Variants in SNTG1 observed in about 807,000 individuals in gnomAD.
The protein encoded by SNTG1 is gamma-1-syntrophin.
A neutral mutation model predicts 74.7 loss-of-function variants in SNTG1; 39 were observed. That is an observed-to-expected ratio of 0.52 (90% CI 0.40 to 0.68). The LOEUF (loss-of-function observed/expected upper bound fraction) is 0.68, where lower values mean the gene tolerates loss of function less well. SNTG1 is among the 30% of genes least tolerant of loss of function. The probability of loss-of-function intolerance (pLI) is 0.00; values close to 1 mark genes in which losing one functional copy is unlikely to be tolerated. For synonymous variants in SNTG1, 254 were observed against 217.1 expected, an observed-to-expected ratio of 1.17 and a Z score of -1.49; for missense variants, 685 against 609.5, an observed-to-expected ratio of 1.12 and a Z score of -1.30.
intron 8 of SNTG1, among the ~76,000 whole-genome samples, chr8:50,475,313 C>G (rs901197768): frequency 1.3e-5 from 2 of 151,914 alleles, no homozygotes. Context: ...TATGTAGTTT[C>G]TCACAATTAA....
Position 50,087,604 on chromosome 8 carries a change from C to A in SNTG1, c.-102-84957C>A, listed in dbSNP as rs957147886. 2.0e-5 allele frequency among the ~76,000 whole-genome samples: 3 copies of A among 152,048 alleles called. No homozygotes were observed. In the East Asian group the frequency reaches 5.8e-4, roughly 29 times the overall value. ...CCATATAATAGTCTATAAATATATT[C>A]TACTTAGTTCTGTGTGTATGCTTAA... On this transcript the variant is annotated intron_variant, in intron 1 of 18. Transcript: ENST00000642720.
chr8:50,698,142 T>C (rs1461174034), intron 15 of SNTG1, among the ~76,000 whole-genome samples: 4 of 152,132 alleles, frequency 2.6e-5, no homozygotes, highest in African/African-American at 7.2e-5. Context: ...TATTTCTCTA[T>C]TCATGGTTTT....
At chr8:50,717,850 A>G (rs1006645266) in intron 17 of SNTG1, among the ~76,000 whole-genome samples, 1 of 152,190 alleles carries the variant, frequency 6.6e-6, no homozygotes. Flanking sequence ...ACACTGTGGG[A>G]TAGTCCCACC....
intron 4 of SNTG1, among the ~76,000 whole-genome samples, chr8:50,408,471 C>T (rs1397279069): frequency 6.6e-6 from 1 of 152,084 alleles, no homozygotes; most frequent in Non-Finnish European, 1.5e-5. Flanking sequence ...GACTGGGACT[C>T]AGGGATGGCA....
At chr8:50,136,666 C>A (rs1156693636) in intron 1 of SNTG1, among the ~76,000 whole-genome samples, 3 of 152,152 alleles carry the variant, frequency 2.0e-5, no homozygotes, top group African/African-American at 7.2e-5. Flanking sequence ...TCCAGCCCAG[C>A]CTTCCTGAAG....
In SNTG1 at chr8:50,006,469, G is replaced by A. The variant is rs75932440; in HGVS notation, c.-103+94238G>A. On this transcript the variant is annotated intron_variant, in intron 1 of 18. Coordinates refer to ENST00000642720, the MANE Select transcript of SNTG1 (RefSeq NM_018967.5). ...CAAGTTGTGATCTTCCTAGTTCTCA[G>A]TATAACACATACTTTTTAATTGTGT... Among the ~76,000 whole-genome samples, 1,431 of 152,256 alleles carry A rather than the reference G, an allele frequency of 9.4e-3. 13 individuals are homozygous for A. Among genetic ancestry groups the A allele is most frequent in the Non-Finnish European group, 0.014 (977 of 68,024 alleles).
At chr8:50,207,011 A>G (rs1468335256) in intron 2 of SNTG1, among the ~76,000 whole-genome samples, 4 of 152,154 alleles carry the variant, frequency 2.6e-5, no homozygotes, top group Admixed American at 6.5e-5. Flanking sequence ...CATCAGGGAT[A>G]TTGGTCTAAA....
intron 1 of SNTG1, among the ~76,000 whole-genome samples, chr8:49,965,119 A>G (rs1811026638): frequency 6.6e-6 from 1 of 151,872 alleles, no homozygotes; most frequent in Admixed American, 6.6e-5. Context: ...CACTGACCAC[A>G]CTCGTCTATT....
At chr8:50,568,227 T>TTGTGTGTGTGTGTG (rs1554576692) in intron 12 of SNTG1, among the ~76,000 whole-genome samples, 5 of 146,282 alleles carry the variant, frequency 3.4e-5, no homozygotes, top group Non-Finnish European at 7.5e-5. Flanking sequence ...TTGTCCATGT[T>TTGTGTGTGTGTGTG]TGTGTGTGTG....
At chr8:50,554,869 A>G (rs985210230) in intron 12 of SNTG1, among the ~76,000 whole-genome samples, 4 of 152,146 alleles carry the variant, frequency 2.6e-5, no homozygotes, top group African/African-American at 9.7e-5. Context: ...TGAGACAAAT[A>G]TAATTGTGTT....
chr8:50,667,026 T>G (rs1421728360), intron 15 of SNTG1, among the ~76,000 whole-genome samples: 1 of 151,964 alleles, frequency 6.6e-6, no homozygotes, highest in East Asian at 1.9e-4. Flanking sequence ...AATTAGAGTA[T>G]GTTTCTTATA....
chr8:50,316,325 T>C (rs913497523), intron 2 of SNTG1, among the ~76,000 whole-genome samples: 2 of 152,188 alleles, frequency 1.3e-5, no homozygotes, highest in Non-Finnish European at 1.5e-5. Context: ...TATGATGTCA[T>C]ACCGTGTGAC....
chr8:50,392,710 T>G (rs1291056016), intron 2 of SNTG1, among the ~76,000 whole-genome samples: 1 of 152,162 alleles, frequency 6.6e-6, no homozygotes, highest in Non-Finnish European at 1.5e-5. Flanking sequence ...TCACCTAATG[T>G]TTTGATGAAA....
At chr8:50,675,185 T>C (rs1330248359) in intron 15 of SNTG1, among the ~76,000 whole-genome samples, 3 of 152,270 alleles carry the variant, frequency 2.0e-5, no homozygotes, top group East Asian at 1.9e-4. Context: ...TTAGGTCCAC[T>C]TGATCTAGAG....
chr8:50,361,349 C>A (rs1215511201), intron 2 of SNTG1, among the ~76,000 whole-genome samples: 1 of 152,144 alleles, frequency 6.6e-6, no homozygotes, highest in Non-Finnish European at 1.5e-5. Flanking sequence ...GTGCCTGAAG[C>A]TCTTCTTGAG....
chr8:49,935,272 G>T (rs1003523693), intron 1 of SNTG1, among the ~76,000 whole-genome samples: 8 of 148,600 alleles, frequency 5.4e-5, no homozygotes, highest in African/African-American at 5.0e-5. Flanking sequence ...TGAATGTTCC[G>T]ATGACATCTT....
intron 17 of SNTG1, among the ~76,000 whole-genome samples, chr8:50,751,406 C>A (rs932848426): frequency 2.6e-5 from 4 of 151,982 alleles, no homozygotes; most frequent in Non-Finnish European, 4.4e-5. Context: ...TTTATATCTC[C>A]ATTTTTGTTA....
At chr8:50,781,303 G>A (rs576313471) in intron 18 of SNTG1, among the ~76,000 whole-genome samples, 1 of 152,236 alleles carries the variant, frequency 6.6e-6, no homozygotes, top group Non-Finnish European at 1.5e-5. Context: ...TGACAGTGGG[G>A]TGTTAAAGTC....
chr8:50,271,357 GT>G (rs1306059384), intron 2 of SNTG1, among the ~76,000 whole-genome samples: 2 of 152,034 alleles, frequency 1.3e-5, no homozygotes, highest in Non-Finnish European at 2.9e-5. Flanking sequence ...ACTCAGAAAG[GT>G]TTTAGGTTTG....
Sources: gnomAD v4.1 joint callset for allele counts (sites outside exome capture counted in the v4.1 genomes callset) on GRCh38, gnomAD v4.1.1 for gene constraint, MANE v1.5 for transcripts, NCBI Gene and HGNC (gene_info 2026-07-23, HGNC 2026-07-21) for gene names.